The following ATP1A1 variants were observed in gnomAD, a reference collection of about 807,000 sequenced individuals.
ATP1A1 encodes the protein sodium/potassium-transporting ATPase subunit alpha-1.
Under a neutral mutation model 114.8 loss-of-function variants are expected in ATP1A1, and 14 were observed. The ratio of observed to expected loss-of-function variants is 0.12; its 90% CI spans 0.08 to 0.19. The LOEUF (loss-of-function observed/expected upper bound fraction) is 0.19. Among genes scored for constraint, ATP1A1 ranks in the 10% least tolerant of loss-of-function variants. The probability of loss-of-function intolerance (pLI) is 1.00; values close to 1 mark genes in which losing one functional copy is unlikely to be tolerated. For synonymous variants in ATP1A1, 471 were observed against 466.3 expected (o/e 1.01, Z -0.13); for missense variants, 524 against 1,290.7 (o/e 0.41, Z 9.10).
At chr1:116,383,888 T>C in intron 1 of ATP1A1, 126 bp from the exon 2 acceptor site, 1 of 751,766 alleles carries the variant, frequency 1.3e-6, no homozygotes, top group Non-Finnish European at 2.3e-6. Flanking sequence ...TTTTCCTGAC[T>C]ATTATCTTAA....
Position 116,374,390 on chromosome 1 carries a change from C to T in ATP1A1, c.12+867C>T, listed in dbSNP as rs1651213357. 7.6e-6 allele frequency: 9 copies of T among 1,179,728 alleles called. No individual in the cohort carries two copies. The East Asian group carries it at 2.1e-4, about 27-fold the overall frequency. 73.1% of individuals were successfully genotyped at this position (1,179,728 alleles called of 1,614,324 possible). A position where few individuals can be genotyped will look rare whatever the true frequency, so the allele number is the denominator to read the frequency against. On this transcript the variant is annotated intron_variant, in intron 1 of 22. Transcript: ENST00000295598. Reference sequence around the variant, plus strand: ...AGGAGGATAGGCAGACCCACCAGGGCCTCAGGGTACAAGAAACCCGAAAAA... The same window carrying T: ...AGGAGGATAGGCAGACCCACCAGGGTCTCAGGGTACAAGAAACCCGAAAAA...
chr1:116,373,284 G>C lies in ATP1A1; in HGVS notation c.-228G>C. 2.5e-6 allele frequency: 1 copy of C among 404,232 alleles called. No homozygotes were observed. The highest frequency in any genetic ancestry group is 3.9e-5 in the East Asian group (1 of 25,740). 25.0% of individuals were successfully genotyped at this position (404,232 alleles called of 1,614,324 possible). On this transcript the variant is annotated 5_prime_UTR_variant, in exon 1 of 23. Coordinates refer to ENST00000295598, the MANE Select transcript of ATP1A1 (RefSeq NM_000701.8). ...TCTGGGGCGCAGAGCAGCGGCGGGA[G>C]GAGGCGGACACGTGGCAACAGCGGT...
chr1:116,399,429 A>G lies in ATP1A1; in HGVS notation c.2458A>G (p.Ile820Val). ...IDLGTDMVPA[I>V]SLAYEQAESD... Reference sequence around the variant, plus strand: ...CCCCACCCCTTCCCAGGTTCCTGCCATCTCCCTGGCTTATGAGCAGGCTGA... The same window carrying G: ...CCCCACCCCTTCCCAGGTTCCTGCCGTCTCCCTGGCTTATGAGCAGGCTGA... The change falls in exon 18 of 23, where the codon ATC becomes GTC. Residue 820 changes from isoleucine (I) to valine (V), a missense_variant. Transcript: ENST00000295598. The surrounding 1 kb of genome is among the most constrained non-coding windows in gnomAD (Gnocchi z 5.0). 6.2e-7 allele frequency: 1 copy of G among 1,614,074 alleles called. No individual in the cohort carries two copies. The highest frequency in any genetic ancestry group is 8.5e-7 in the Non-Finnish European group (1 of 1,179,982).
chr1:116,395,135 T>TG lies in ATP1A1; in HGVS notation c.1687dup (p.Glu563GlyfsTer5). The TG allele has an allele frequency of 6.2e-7, 1 of 1,614,056 alleles. No individual in the cohort carries two copies. The highest frequency in any genetic ancestry group is 8.5e-7 in the Non-Finnish European group (1 of 1,179,952). ...GTTTCTGCCACCTCTTTCTGCCAGA[T>TG]GAACAGTTTCCTGAAGGGTTCCAGT... On this transcript the variant is annotated frameshift_variant, in exon 13 of 23. Coordinates refer to ENST00000295598, the MANE Select transcript of ATP1A1 (RefSeq NM_000701.8). LOFTEE classifies it high-confidence loss of function. This position sits in a 1 kb window ranked among gnomAD's most constrained non-coding sequence, Gnocchi z 6.4.
rs745853855 is a variant in ATP1A1, at chr1:116,397,840, C to A, written c.1974-48C>A. 24 of 1,584,742 alleles carry A rather than the reference C, an allele frequency of 1.5e-5. No homozygotes were observed. The highest frequency in any genetic ancestry group is 1.6e-5 in the Non-Finnish European group (19 of 1,167,622). ...CCCCTCTTGAGGTGATGGACACATG[C>A]TGGTGATGTGATGCGTGACTTTTTT... On this transcript the variant is annotated intron_variant, in intron 14 of 22. Transcript: ENST00000295598. This position sits in a 1 kb window ranked among gnomAD's most constrained non-coding sequence, Gnocchi z 4.2.
rs1464352310 is a variant in ATP1A1 at position 116,396,477 on chromosome 1, T to C, written c.1837-121T>C. On this transcript the variant is annotated intron_variant, in intron 13 of 22. Coordinates refer to ENST00000295598, the MANE Select transcript of ATP1A1 (RefSeq NM_000701.8). ...ATGTTTATTAGTTTTATATTTGCAT[T>C]CCTTTCCTTTTGATAGTCTAAGCCG... 3 of 1,264,794 alleles carry C rather than the reference T, an allele frequency of 2.4e-6. No homozygotes were observed. The African/African-American group carries it at 4.6e-5, about 19-fold the overall frequency. The allele number at this position is 1,264,794 out of a possible 1,614,324, so 78.3% of individuals were successfully genotyped here. A position where few individuals can be genotyped will look rare whatever the true frequency, so the allele number is the denominator to read the frequency against.
chr1:116,402,792 G>T (rs1014243866), intron 21 of ATP1A1, among the ~76,000 whole-genome samples: 5 of 152,130 alleles, frequency 3.3e-5, no homozygotes, highest in African/African-American at 7.2e-5. Context: ...GTCCCTCCAG[G>T]GCCTGTGCAC....
At chr1:116,380,155 G>C (rs933393281) in intron 1 of ATP1A1, among the ~76,000 whole-genome samples, 2 of 152,194 alleles carry the variant, frequency 1.3e-5, no homozygotes, top group African/African-American at 4.8e-5. Flanking sequence ...GTTATACCAA[G>C]TGTTATTCCC....
chr1:116,394,493 CT>C (rs67329734), intron 12 of ATP1A1, among the ~76,000 whole-genome samples: 38,045 of 151,994 alleles, frequency 0.25, 13,343 homozygotes, highest in African/African-American at 0.79. Context: ...AGTCTCTCTT[CT>C]TTTGAGTCCA....
intron 21 of ATP1A1, among the ~76,000 whole-genome samples, chr1:116,402,989 A>G (rs1303753838): frequency 6.6e-6 from 1 of 152,342 alleles, no homozygotes; most frequent in East Asian, 1.9e-4. Context: ...TTATGTATCA[A>G]GATGGGGCTT....
intron 18 of ATP1A1, among the ~76,000 whole-genome samples, chr1:116,400,344 G>T (rs1653341429): frequency 6.6e-6 from 1 of 152,194 alleles, no homozygotes; most frequent in South Asian, 2.1e-4. Context: ...GTCTCTGGTG[G>T]TTTAGGATGA....
rs1651172272 is a variant in ATP1A1, at chr1:116,373,923, T to A, written c.12+400T>A. On this transcript the variant is annotated intron_variant, in intron 1 of 22. Transcript: ENST00000295598. ...CATCCCTGAGCCTGGCTCCCCTCCC[T>A]GCGACCGCCGTCACCTCCTTCTCCT... The A allele has an allele frequency of 3.8e-6, 5 of 1,309,366 alleles. No individual in the cohort carries two copies. In the South Asian group the frequency reaches 8.2e-5, roughly 21 times the overall value. 81.1% of individuals were successfully genotyped at this position (1,309,366 alleles called of 1,614,324 possible).
At chr1:116,382,784 G>C (rs1226555726) in intron 1 of ATP1A1, among the ~76,000 whole-genome samples, 3 of 152,140 alleles carry the variant, frequency 2.0e-5, no homozygotes, top group African/African-American at 7.2e-5. Context: ...ATTATAATCT[G>C]GACACGAGTT....
In ATP1A1 at chr1:116,389,384, G is replaced by T; in HGVS notation, c.755-55G>T. On this transcript the variant is annotated intron_variant, in intron 7 of 22. Transcript: ENST00000295598. This position sits in a 1 kb window ranked among gnomAD's most constrained non-coding sequence, Gnocchi z 6.9. ...CCTATGTAATTGTGTAAAATCCGTGGCTTCCTTCAGGTTAGATACAATTAG... is the reference window on the plus strand; with the variant it reads ...CCTATGTAATTGTGTAAAATCCGTGTCTTCCTTCAGGTTAGATACAATTAG... 6.3e-7 allele frequency: 1 copy of T among 1,594,984 alleles called. No individual in the cohort carries two copies.
intron 1 of ATP1A1, among the ~76,000 whole-genome samples, chr1:116,380,044 G>A (rs1651639548): frequency 6.6e-6 from 1 of 152,160 alleles, no homozygotes; most frequent in Admixed American, 6.5e-5. Context: ...TTTGTCTGTG[G>A]GCTTTGGAAA....
chr1:116,385,953 C>T lies in ATP1A1; in HGVS notation c.183+1111C>T, dbSNP rs1652047600. ...ACCAGCCTGACCAACATGGAGAAAC[C>T]CCGTCTCTACTAAAAATACAAAATT... is the stretch of plus-strand genomic sequence containing the variant. On this transcript the variant is annotated intron_variant, in intron 3 of 22. Coordinates refer to ENST00000295598, the MANE Select transcript of ATP1A1 (RefSeq NM_000701.8). The surrounding 1 kb of genome is among the most constrained non-coding windows in gnomAD (Gnocchi z 4.3). 1 of 151,590 alleles carries T rather than the reference C, an allele frequency of 6.6e-6. No individual in the cohort carries two copies. The highest frequency in any genetic ancestry group is 1.5e-5 in the Non-Finnish European group (1 of 68,006). 9.4% of individuals were successfully genotyped at this position (151,590 alleles called of 1,614,324 possible). A position where few individuals can be genotyped will look rare whatever the true frequency, so the allele number is the denominator to read the frequency against.
chr1:116,403,283 G>C (rs911793738), intron 21 of ATP1A1, among the ~76,000 whole-genome samples: 3 of 152,170 alleles, frequency 2.0e-5, no homozygotes, highest in Non-Finnish European at 4.4e-5. Context: ...TGATCACGGA[G>C]GCTGCCTGGA....
At chr1:116,403,231 C>T (rs919581066) in intron 21 of ATP1A1, among the ~76,000 whole-genome samples, 5 of 152,306 alleles carry the variant, frequency 3.3e-5, no homozygotes, top group Middle Eastern at 3.4e-3. Context: ...CACCGGAGTC[C>T]TGCCCAGGGA....
intron 1 of ATP1A1, chr1:116,373,921 C>A (rs1651172095): frequency 3.0e-6 from 4 of 1,311,600 alleles, no homozygotes; most frequent in Admixed American, 3.7e-5. Context: ...GGCTCCCCTC[C>A]CTGCGACCGC....
Sources: allele counts gnomAD v4.1 joint callset (sites outside exome capture counted in the v4.1 genomes callset), GRCh38; gene constraint gnomAD v4.1.1; non-coding constraint Gnocchi (gnomAD v3.1); transcripts MANE v1.5; gene names NCBI Gene and HGNC (gene_info 2026-07-23, HGNC 2026-07-21).